Variants in PRH1 observed in about 807,000 individuals in gnomAD.
The protein encoded by PRH1 is proline rich protein HaeIII subfamily 1.
In PRH1, 7 loss-of-function variants were observed where a neutral mutation model predicts 7.9. That is an observed-to-expected ratio of 0.89 (90% CI 0.50 to 1.67). The LOEUF is 1.67. Ranked by LOEUF, PRH1 falls within the 40% of genes most tolerant of loss-of-function variation. The probability of loss-of-function intolerance (pLI) is 0.00; values close to 1 mark genes in which losing one functional copy is unlikely to be tolerated. For missense variants in PRH1, 109 were observed against 223.6 expected, an observed-to-expected ratio of 0.49 and a Z score of 3.27; for synonymous variants, 45 against 80.8, an observed-to-expected ratio of 0.56 and a Z score of 2.38.
chr12:10,936,010 G>A (rs896873384), intron 2 of PRH1, among the ~76,000 whole-genome samples: 3 of 152,088 alleles, frequency 2.0e-5, no homozygotes, highest in Admixed American at 1.3e-4. Context: ...GAATGAAAAT[G>A]GGGTAATGGA....
chr12:10,984,887 T>G (rs531024293), intron 1 of PRH1, among the ~76,000 whole-genome samples: 1 of 152,060 alleles, frequency 6.6e-6, no homozygotes, highest in African/African-American at 2.4e-5. Flanking sequence ...ATAGATTTCA[T>G]AGATGCCATT....
chr12:11,009,915 C>A (rs1487726666), intron 1 of PRH1, among the ~76,000 whole-genome samples: 1 of 151,852 alleles, frequency 6.6e-6, no homozygotes, highest in African/African-American at 2.4e-5. Flanking sequence ...CTTTGAACTC[C>A]ATCATTACCC....
At chr12:11,125,291 C>A (rs566325683) in intron 1 of PRH1, among the ~76,000 whole-genome samples, 12 of 152,378 alleles carry the variant, frequency 7.9e-5, no homozygotes, top group African/African-American at 2.9e-4. Context: ...TAAAATTGAC[C>A]TCCAGCAAAG....
chr12:11,169,983 C>T (rs1233585362), intron 1 of PRH1, among the ~76,000 whole-genome samples: 1 of 152,180 alleles, frequency 6.6e-6, no homozygotes, highest in African/African-American at 2.4e-5. Context: ...CGTACTTGTG[C>T]TCTGAATAGC....
intron 2 of PRH1, among the ~76,000 whole-genome samples, chr12:10,896,587 C>A (rs1271836724): frequency 2.0e-5 from 3 of 151,932 alleles, no homozygotes; most frequent in Non-Finnish European, 2.9e-5. Flanking sequence ...CATGGTGAAA[C>A]CCTGTCTCTA....
chr12:11,121,536 G>A (rs1332979522), intron 1 of PRH1, among the ~76,000 whole-genome samples: 2 of 151,832 alleles, frequency 1.3e-5, no homozygotes, highest in Admixed American at 6.6e-5. Flanking sequence ...ATTAAAAAGT[G>A]GAAGAAATCT....
chr12:10,956,128 A>G (rs929691020), intron 2 of PRH1, among the ~76,000 whole-genome samples: 1 of 152,066 alleles, frequency 6.6e-6, no homozygotes, highest in African/African-American at 2.4e-5. Context: ...AGACACAACA[A>G]TAAAAGAAAA....
At chr12:10,939,889 A>G (rs956296521) in intron 2 of PRH1, among the ~76,000 whole-genome samples, 2 of 152,292 alleles carry the variant, frequency 1.3e-5, no homozygotes, top group African/African-American at 4.8e-5. Context: ...TATCTGTTAT[A>G]TTTATTATCA....
intron 1 of PRH1, among the ~76,000 whole-genome samples, chr12:11,027,740 C>T (rs879887328): frequency 8.5e-5 from 13 of 152,112 alleles, no homozygotes; most frequent in Admixed American, 3.9e-4. Context: ...CTAGAACATA[C>T]ATAGTGGTCA....
intron 1 of PRH1, among the ~76,000 whole-genome samples, chr12:11,022,958 T>C (rs1439757710): frequency 6.6e-6 from 1 of 152,238 alleles, no homozygotes; most frequent in Non-Finnish European, 1.5e-5. Context: ...CCATAATTTG[T>C]ATACAGCATC....
At chr12:10,959,809 A>G (rs577114813) in intron 2 of PRH1, among the ~76,000 whole-genome samples, 1 of 152,282 alleles carries the variant, frequency 6.6e-6, no homozygotes, top group East Asian at 1.9e-4. Context: ...ATCAGTAAGG[A>G]GACTGCATGA....
At chr12:11,004,677 A>G (rs2136027087) in intron 1 of PRH1, among the ~76,000 whole-genome samples, 1 of 152,120 alleles carries the variant, frequency 6.6e-6, no homozygotes, top group Non-Finnish European at 1.5e-5. Context: ...ATATTTCATT[A>G]TTAATTTTTC....
chr12:11,128,581 C>T (rs577689265), intron 1 of PRH1, among the ~76,000 whole-genome samples: 1 of 152,186 alleles, frequency 6.6e-6, no homozygotes, highest in East Asian at 1.9e-4. Context: ...CCTGTCTCCA[C>T]TAAAAATATA....
At chr12:11,024,447 T>C (rs1941810327) in intron 1 of PRH1, among the ~76,000 whole-genome samples, 2 of 152,252 alleles carry the variant, frequency 1.3e-5, no homozygotes, top group African/African-American at 4.8e-5. Context: ...TGATGGTCTT[T>C]TTTTAATATT....
chr12:11,022,583 TA>T (rs769381799), intron 1 of PRH1: 2 of 1,571,600 alleles, frequency 1.3e-6, no homozygotes, highest in South Asian at 1.1e-5. Context: ...TTTGAACAGA[TA>T]AAAAAATGCA....
At chr12:11,046,425 T>C (rs867553902) in intron 1 of PRH1, among the ~76,000 whole-genome samples, 5 of 152,138 alleles carry the variant, frequency 3.3e-5, no homozygotes. Flanking sequence ...TTTTCTGGCC[T>C]TCTCCTTTCT....
intron 1 of PRH1, among the ~76,000 whole-genome samples, chr12:11,083,571 A>G (rs114881147): frequency 0.014 from 2,061 of 152,016 alleles, no homozygotes; most frequent in South Asian, 0.025. Flanking sequence ...CTAAATGTAC[A>G]GTAAAGAAAA....
intron 1 of PRH1, among the ~76,000 whole-genome samples, chr12:10,977,751 C>T (rs1414645333): frequency 6.6e-6 from 1 of 152,110 alleles, no homozygotes; most frequent in African/African-American, 2.4e-5. Flanking sequence ...TAGTAACATT[C>T]CTATATATCA....
rs1317591551 is a variant in PRH1, at chr12:10,994,479, T to A, written c.-125-20758A>T. Among the ~76,000 whole-genome samples, 8 of 152,304 alleles carry A rather than the reference T, an allele frequency of 5.3e-5. 1 individual carries two copies. The South Asian group carries it at 1.7e-3, about 32-fold the overall frequency. On this transcript the variant is annotated intron_variant, in intron 1 of 3. Coordinates refer to the PRH1 transcript ENST00000539853. ...TGCATCTGATAACCACCATGCTGTC[T>A]CTCTCACATCATTGTGAAGTGGTCG... is the stretch of plus-strand genomic sequence containing the variant.
Sources: allele counts gnomAD v4.1 joint callset (sites outside exome capture counted in the v4.1 genomes callset), GRCh38; gene constraint gnomAD v4.1.1; transcripts MANE v1.5; gene names NCBI Gene and HGNC (gene_info 2026-07-23, HGNC 2026-07-21).